The following LMX1A variants were observed in gnomAD, a reference collection of about 807,000 sequenced individuals.
LMX1A encodes the protein LIM homeobox transcription factor 1 alpha, also known as LIM homeobox transcription factor 1-alpha.
In LMX1A, 15 loss-of-function variants were observed where a neutral mutation model predicts 49.1. That is an observed-to-expected ratio of 0.31 (90% CI 0.20 to 0.47). LMX1A has a LOEUF of 0.47. Among genes scored for constraint, LMX1A ranks in the 20% least tolerant of loss-of-function variants. The pLI is 1.00. For synonymous variants in LMX1A, 167 were observed against 185.7 expected (o/e 0.90, Z 0.82); for missense variants, 372 against 475.8 (o/e 0.78, Z 2.03).
At chr1:165,227,544 A>AATACATATGTACATACATACATACATAC (rs571321622) in intron 4 of LMX1A, among the ~76,000 whole-genome samples, 13 of 109,080 alleles carry the variant, frequency 1.2e-4, no homozygotes, top group African/African-American at 4.4e-4. Context: ...CTATCTCAAT[A>AATACATATGTACATACATACATACATAC]ATACATACGT....
intron 3 of LMX1A, among the ~76,000 whole-genome samples, chr1:165,288,689 T>TGTGTGTGTGC (rs751084725): frequency 7.9e-5 from 12 of 152,232 alleles, no homozygotes; most frequent in Non-Finnish European, 1.5e-4. Context: ...AGGTACACCG[T>TGTGTGTGTGC]GTGTGTGTGC....
chr1:165,299,770 TA>T (rs35840243), intron 3 of LMX1A, among the ~76,000 whole-genome samples: 66 of 131,924 alleles, frequency 5.0e-4, no homozygotes, highest in East Asian at 6.5e-4. Context: ...AGAAACACAC[TA>T]AAAAAAAAAA....
intron 3 of LMX1A, among the ~76,000 whole-genome samples, chr1:165,315,907 T>A (rs1655205559): frequency 6.6e-6 from 1 of 152,206 alleles, no homozygotes; most frequent in African/African-American, 2.4e-5. Context: ...AATCAGGGGT[T>A]CTGAAAATTG....
chr1:165,328,202 C>T (rs1165540051), intron 3 of LMX1A, among the ~76,000 whole-genome samples: 1 of 152,214 alleles, frequency 6.6e-6, no homozygotes, highest in Non-Finnish European at 1.5e-5. Context: ...TGGTCAGTTG[C>T]CCACAGGCAA....
intron 4 of LMX1A, among the ~76,000 whole-genome samples, chr1:165,229,982 G>A (rs1652183232): frequency 6.6e-6 from 1 of 152,188 alleles, no homozygotes; most frequent in Non-Finnish European, 1.5e-5. Context: ...TAGGCCTTTG[G>A]AGGTCATTAG....
At chr1:165,329,955 A>G (rs371686005) in intron 3 of LMX1A, among the ~76,000 whole-genome samples, 5 of 152,318 alleles carry the variant, frequency 3.3e-5, no homozygotes, top group African/African-American at 1.2e-4. Context: ...CTCATTAGCA[A>G]TGTGACTTCC....
At chr1:165,309,169 G>A (rs1655003205) in intron 3 of LMX1A, among the ~76,000 whole-genome samples, 1 of 151,962 alleles carries the variant, frequency 6.6e-6, no homozygotes, top group Non-Finnish European at 1.5e-5. Flanking sequence ...GAATGATGCT[G>A]AGGGCTCGCT....
At chr1:165,307,915 G>C (rs1654966671) in intron 3 of LMX1A, among the ~76,000 whole-genome samples, 1 of 152,128 alleles carries the variant, frequency 6.6e-6, no homozygotes, top group South Asian at 2.1e-4. Flanking sequence ...TAAAAAGACT[G>C]TGTGAAGGCC....
In LMX1A at chr1:165,247,054, C is replaced by CTTTTTTTTTTTTTTTTTTTTTTTTTTT. The variant is rs71097567; in HGVS notation, c.496+2353_496+2354insAAAAAAAAAAAAAAAAAAAAAAAAAAA. On this transcript the variant is annotated intron_variant, in intron 4 of 8. Coordinates refer to ENST00000342310, the MANE Select transcript of LMX1A (RefSeq NM_177398.4). The stretch of plus-strand genomic sequence containing the variant: ...GTTACTTAGATCAGATCAGCTTTTT[C>CTTTTTTTTTTTTTTTTTTTTTTTTTTT]TTTTTTTTTTTTTTTTTTTTTTTTT... Among the ~76,000 whole-genome samples, 218 of 53,228 alleles carry CTTTTTTTTTTTTTTTTTTTTTTTTTTT rather than the reference C, an allele frequency of 4.1e-3. 68 individuals are homozygous for CTTTTTTTTTTTTTTTTTTTTTTTTTTT. Among genetic ancestry groups the CTTTTTTTTTTTTTTTTTTTTTTTTTTT allele is most frequent in the Middle Eastern group, 0.022 (1 of 46 alleles). The allele number at this position is 53,228 out of a possible 152,430, so 34.9% of individuals were successfully genotyped here.
At chr1:165,247,966 C>G (rs181756333) in intron 4 of LMX1A, among the ~76,000 whole-genome samples, 11 of 152,348 alleles carry the variant, frequency 7.2e-5, no homozygotes, top group Admixed American at 5.9e-4. Flanking sequence ...AAGAGTTTAT[C>G]AAGCACCCAG....
chr1:165,302,794 G>A (rs947790163), intron 3 of LMX1A, among the ~76,000 whole-genome samples: 2 of 152,170 alleles, frequency 1.3e-5, no homozygotes, highest in African/African-American at 4.8e-5. Flanking sequence ...AAGTGCCAGG[G>A]TTAGGTTTTT....
intron 3 of LMX1A, among the ~76,000 whole-genome samples, chr1:165,345,062 A>G (rs1262602604): frequency 6.6e-6 from 1 of 152,186 alleles, no homozygotes; most frequent in Non-Finnish European, 1.5e-5. Flanking sequence ...AATGACAACA[A>G]TGCTAAGAAT....
At chr1:165,218,015 C>T (rs1651703717) in intron 4 of LMX1A, among the ~76,000 whole-genome samples, 1 of 152,214 alleles carries the variant, frequency 6.6e-6, no homozygotes, top group Non-Finnish European at 1.5e-5. Context: ...GTTGCAGCTA[C>T]TCAACTCTGC....
intron 4 of LMX1A, chr1:165,218,770 G>C (rs918302595): frequency 2.0e-5 from 3 of 152,214 alleles, no homozygotes; most frequent in African/African-American, 7.2e-5. Context: ...TTAAACAGCA[G>C]AGCAGTGAAG....
intron 3 of LMX1A, among the ~76,000 whole-genome samples, chr1:165,331,657 C>G (rs1655747031): frequency 6.6e-6 from 1 of 152,178 alleles, no homozygotes; most frequent in Admixed American, 6.5e-5. Context: ...TGGCTCACAC[C>G]TGTAATCCCA....
At position 165,353,121 on chromosome 1, in the gene LMX1A, C is replaced by T; in HGVS notation, c.218G>A (p.Cys73Tyr). Residue 73 changes from cysteine (C) to tyrosine (Y), a missense_variant, in exon 3 of 9, where the codon TGC becomes TAC. Physicochemically the swap from Cys to Tyr is radical, Grantham distance 194. Coordinates refer to ENST00000342310, the MANE Select transcript of LMX1A (RefSeq NM_177398.4). ...GTACAGCTTCTTGTCCCGGTAGAAG[C>T]AGGTGGTCTCCAGGGGCTCTTTGCA... ...ASCKEPLETT[C>Y]FYRDKKLYCK... 1 of 1,614,240 alleles carries T rather than the reference C, an allele frequency of 6.2e-7. No homozygotes were observed. Among genetic ancestry groups the T allele is most frequent in the Non-Finnish European group, 8.5e-7 (1 of 1,180,040 alleles).
intron 3 of LMX1A, among the ~76,000 whole-genome samples, chr1:165,311,864 G>A (rs767128568): frequency 5.9e-5 from 9 of 152,102 alleles, no homozygotes; most frequent in South Asian, 4.2e-4. Context: ...GTGATGTGCC[G>A]TTCACGATGG....
In LMX1A at chr1:165,208,044, G is replaced by A. The variant is rs1651168027; in HGVS notation, c.817+19C>T. ...CCTGGATTCCAGCCAGAACTGCCTGGGAGGAGGCACCAGCTTACCAGAGCT... is the reference window on the plus strand; with the variant it reads ...CCTGGATTCCAGCCAGAACTGCCTGAGAGGAGGCACCAGCTTACCAGAGCT... On this transcript the variant is annotated intron_variant, in intron 7 of 8. Coordinates refer to ENST00000342310, the MANE Select transcript of LMX1A (RefSeq NM_177398.4). 25 of 1,611,690 alleles carry A rather than the reference G, an allele frequency of 1.6e-5. No homozygotes were observed. The highest frequency in any genetic ancestry group is 2.1e-5 in the Non-Finnish European group (25 of 1,178,558).
At chr1:165,284,825 C>T (rs1051622901) in intron 3 of LMX1A, among the ~76,000 whole-genome samples, 2 of 152,168 alleles carry the variant, frequency 1.3e-5, no homozygotes, top group African/African-American at 4.8e-5. Flanking sequence ...GTGTTCTTTC[C>T]CACCAGGAAG....
Sources: allele counts gnomAD v4.1 joint callset (sites outside exome capture counted in the v4.1 genomes callset), GRCh38; gene constraint gnomAD v4.1.1; transcripts MANE v1.5; gene names NCBI Gene and HGNC (gene_info 2026-07-23, HGNC 2026-07-21).